Variants in ARMC2 observed in about 807,000 individuals in gnomAD.
The protein encoded by ARMC2 is armadillo repeat containing 2, also known as armadillo repeat-containing protein 2.
A neutral mutation model predicts 90.3 loss-of-function variants in ARMC2; 67 were observed. That is an observed-to-expected ratio of 0.74 (90% CI 0.61 to 0.91). The LOEUF (loss-of-function observed/expected upper bound fraction) is 0.91, where lower values mean the gene tolerates loss of function less well. ARMC2 is among the 40% of genes least tolerant of loss of function. The pLI, the probability that ARMC2 is intolerant of heterozygous loss-of-function variation, is 0.00. For synonymous variants in ARMC2, 393 were observed against 393.0 expected (o/e 1.00, Z 0.00); for missense variants, 920 against 1,030.9 (o/e 0.89, Z 1.47).
chr6:109,039,001 AAAG>A, the ARMC2 span, among the ~76,000 whole-genome samples: 41 of 151,344 alleles, frequency 2.7e-4, no homozygotes, highest in African/African-American at 6.1e-4. Context: ...GAGGAGGAGA[AAAG>A]AAGAAAGAGA....
the ARMC2 span, among the ~76,000 whole-genome samples, chr6:109,023,565 A>G: frequency 6.6e-6 from 1 of 152,210 alleles, no homozygotes; most frequent in Non-Finnish European, 1.5e-5. Context: ...TTAAGAGTAC[A>G]TTCTGTCCCA....
At chr6:108,982,768 A>G in the ARMC2 span, among the ~76,000 whole-genome samples, 2 of 143,472 alleles carry the variant, frequency 1.4e-5, no homozygotes, top group African/African-American at 2.6e-5. Context: ...GGTCATTTGT[A>G]TTATCATCTT....
intron 5 of ARMC2, among the ~76,000 whole-genome samples, chr6:108,885,251 TA>T (rs1777973385): frequency 6.6e-6 from 1 of 151,230 alleles, no homozygotes; most frequent in Non-Finnish European, 1.5e-5. Context: ...TGTGTGTGTG[TA>T]TGTATTTTAG....
chr6:108,932,581 G>T (rs1327594175), intron 11 of ARMC2, among the ~76,000 whole-genome samples: 16 of 141,018 alleles, frequency 1.1e-4, no homozygotes, highest in Non-Finnish European at 2.4e-4. Flanking sequence ...CAGGCTGGAG[G>T]GCAGTGGCGC....
intron 17 of ARMC2, among the ~76,000 whole-genome samples, chr6:108,973,061 G>A (rs907344099): frequency 6.6e-6 from 1 of 152,092 alleles, no homozygotes; most frequent in Non-Finnish European, 1.5e-5. Flanking sequence ...GCGCACACCT[G>A]CAATCCCAGC....
chr6:108,969,841 AG>A (rs918603338), intron 17 of ARMC2, among the ~76,000 whole-genome samples: 2 of 152,204 alleles, frequency 1.3e-5, no homozygotes, highest in Admixed American at 6.5e-5. Flanking sequence ...TAGGAGTTTG[AG>A]ACCAGCTTGG....
chr6:108,874,194 G>A (rs1428999776), intron 4 of ARMC2, among the ~76,000 whole-genome samples: 5 of 152,140 alleles, frequency 3.3e-5, no homozygotes, highest in African/African-American at 1.2e-4. Context: ...GCCCCCCAGG[G>A]CAGCTCTTCG....
At chr6:108,896,519 A>T (rs187527313) in intron 6 of ARMC2, among the ~76,000 whole-genome samples, 1 of 152,312 alleles carries the variant, frequency 6.6e-6, no homozygotes, top group Admixed American at 6.5e-5. Context: ...GCGTGAATGA[A>T]GAGGTGGAAA....
chr6:108,903,358 G>A (rs1309819762), intron 7 of ARMC2, among the ~76,000 whole-genome samples: 2 of 151,594 alleles, frequency 1.3e-5, no homozygotes, highest in African/African-American at 2.4e-5. Context: ...CTCCCACCTC[G>A]GCCTCCCAAA....
At chr6:108,875,171 C>T (rs1357193044) in intron 4 of ARMC2, among the ~76,000 whole-genome samples, 1 of 152,100 alleles carries the variant, frequency 6.6e-6, no homozygotes, top group Non-Finnish European at 1.5e-5. Flanking sequence ...ATTCCTAATA[C>T]CAATTTGCTG....
At chr6:109,025,782 A>G in the ARMC2 span, among the ~76,000 whole-genome samples, 1 of 152,242 alleles carries the variant, frequency 6.6e-6, no homozygotes, top group East Asian at 1.9e-4. Flanking sequence ...TAGCACATAC[A>G]GCAAAGAAAT....
At chr6:108,870,120 T>G (rs1776238836) in intron 4 of ARMC2, among the ~76,000 whole-genome samples, 1 of 152,050 alleles carries the variant, frequency 6.6e-6, no homozygotes, top group African/African-American at 2.4e-5. Flanking sequence ...TCAACAAGAT[T>G]TGATGAAGAG....
chr6:108,882,431 T>C, intron 5 of ARMC2, among the ~76,000 whole-genome samples: 2 of 102,702 alleles, frequency 1.9e-5, no homozygotes, highest in Admixed American at 1.1e-4. Context: ...GGAGTGAGAC[T>C]CCCTCTCAAA....
At chr6:109,044,311 CAAAAAAAAAAAAAAAA>C in the ARMC2 span, among the ~76,000 whole-genome samples, 54 of 28,452 alleles carry the variant, frequency 1.9e-3, no homozygotes, top group East Asian at 0.023. Context: ...GAACTTGCCT[CAAAAAAAAAAAAAAAA>C]AAAAAAAAAA....
the ARMC2 span, among the ~76,000 whole-genome samples, chr6:109,010,727 T>C: frequency 2.4e-4 from 37 of 152,234 alleles, no homozygotes; most frequent in Non-Finnish European, 4.6e-4. Flanking sequence ...TATTTTTTAC[T>C]GGTCAAAAGA....
intron 5 of ARMC2, among the ~76,000 whole-genome samples, chr6:108,889,833 A>T (rs535448595): frequency 6.6e-6 from 1 of 151,734 alleles, no homozygotes; most frequent in African/African-American, 2.4e-5. Flanking sequence ...AGTTCTTACA[A>T]TCTGTTGAAT....
At chr6:108,990,227 A>AG in the ARMC2 span, among the ~76,000 whole-genome samples, 1 of 152,366 alleles carries the variant, frequency 6.6e-6, no homozygotes, top group Non-Finnish European at 1.5e-5. Context: ...TATGAGAGCA[A>AG]GTACTCCTCA....
intron 16 of ARMC2, 78 bp downstream of exon 16, chr6:108,964,390 T>A: frequency 1.3e-6 from 2 of 1,505,934 alleles, no homozygotes; most frequent in Non-Finnish European, 1.8e-6. Context: ...GGCCCTTTCA[T>A]CATTCCTGTG....
intron 11 of ARMC2, among the ~76,000 whole-genome samples, chr6:108,930,481 C>T (rs1348363023): frequency 1.3e-5 from 2 of 151,134 alleles, no homozygotes; most frequent in East Asian, 3.9e-4. Flanking sequence ...TTCATGGTTT[C>T]ACTAGTTGAA....
Sources: allele counts gnomAD v4.1 joint callset (sites outside exome capture counted in the v4.1 genomes callset), GRCh38; gene constraint gnomAD v4.1.1; transcripts MANE v1.5; gene names NCBI Gene and HGNC (gene_info 2026-07-23, HGNC 2026-07-21).